Variants in ABCA13 observed in about 807,000 individuals in gnomAD.
ABCA13 encodes the protein ATP binding cassette subfamily A member 13.
Under a neutral mutation model 478.7 loss-of-function variants are expected in ABCA13, and 476 were observed. That is an observed-to-expected ratio of 0.99 (90% confidence interval 0.92 to 1.07). The LOEUF is 1.07. Among genes scored for constraint, ABCA13 ranks in the 50% least tolerant of loss-of-function variants. The pLI is 0.00. For missense variants in ABCA13, 6,060 were observed against 5,910.6 expected (o/e 1.03, Z -0.83); for synonymous variants, 2,252 against 2,158.9 (o/e 1.04, Z -1.20).
In ABCA13 at chr7:48,307,079, C is replaced by G. The variant is rs1801009455; in HGVS notation, c.9322-2868C>G. ...ACCCTGCAGATTTTGGGCTTGCCAG[C>G]CCCCACATTTGCATGAGCCAATTCC... On this transcript the variant is annotated intron_variant, in intron 23 of 61. Transcript: ENST00000435803. 1.3e-5 allele frequency among the ~76,000 whole-genome samples: 2 copies of G among 152,378 alleles called. 1 individual carries two copies. Among genetic ancestry groups the G allele is most frequent in the South Asian group, 4.1e-4 (2 of 4,828 alleles).
chr7:48,499,573 A>G (rs1320654109), intron 48 of ABCA13, among the ~76,000 whole-genome samples: 1 of 152,262 alleles, frequency 6.6e-6, no homozygotes, highest in Non-Finnish European at 1.5e-5. Flanking sequence ...AGCCATAATG[A>G]GAACACTAAA....
At chr7:48,568,963 T>C (rs1787342398) in intron 55 of ABCA13, among the ~76,000 whole-genome samples, 1 of 151,972 alleles carries the variant, frequency 6.6e-6, no homozygotes, top group Non-Finnish European at 1.5e-5. Context: ...TCTTTAAGAT[T>C]GGTAGAAATA....
At chr7:48,199,043 G>A (rs7788162) in intron 3 of ABCA13, among the ~76,000 whole-genome samples, 12,548 of 152,022 alleles carry the variant, frequency 0.083, 1,428 homozygotes, top group African/African-American at 0.25. Context: ...AGTGGCTAGC[G>A]GATTAAGATA....
intron 55 of ABCA13, among the ~76,000 whole-genome samples, chr7:48,570,196 TATAAG>T (rs1344289249): frequency 6.6e-6 from 1 of 152,078 alleles, no homozygotes; most frequent in Non-Finnish European, 1.5e-5. Context: ...CTTCTATTGT[TATAAG>T]ATGTTTTTCT....
chr7:48,404,699 G>A lies in ABCA13; in HGVS notation c.12070+820G>A, dbSNP rs149972299. On this transcript the variant is annotated intron_variant, in intron 39 of 61. Coordinates refer to ENST00000435803, the MANE Select transcript of ABCA13 (RefSeq NM_152701.5). ...CAAGAAAGAGTCCTTCTTTTTCTTA[G>A]CATATAGAGGGCTGAGGCCAGAAGT... The A allele has an allele frequency of 2.2e-3, 331 of 152,362 alleles. 1 individual carries two copies. Among genetic ancestry groups the A allele is most frequent in the African/African-American group, 7.8e-3 (324 of 41,568 alleles). 9.4% of individuals were successfully genotyped at this position (152,362 alleles called of 1,614,324 possible). A position where few individuals can be genotyped will look rare whatever the true frequency, so the allele number is the denominator to read the frequency against.
At chr7:48,385,067 C>A (rs1388711312) in intron 35 of ABCA13, among the ~76,000 whole-genome samples, 1 of 152,188 alleles carries the variant, frequency 6.6e-6, no homozygotes, top group Non-Finnish European at 1.5e-5. Context: ...TGCGGAGATA[C>A]AACTCAGCCC....
At chr7:48,251,068 T>C (rs1235923726) in intron 15 of ABCA13, among the ~76,000 whole-genome samples, 2 of 152,192 alleles carry the variant, frequency 1.3e-5, no homozygotes, top group African/African-American at 2.4e-5. Flanking sequence ...AATCCACATA[T>C]GGTAAGATGG....
chr7:48,207,142 A>T (rs907005296), intron 3 of ABCA13, among the ~76,000 whole-genome samples: 2 of 152,118 alleles, frequency 1.3e-5, no homozygotes, highest in Admixed American at 6.5e-5. Context: ...AAATGACAGG[A>T]TGTCATTCTT....
intron 27 of ABCA13, among the ~76,000 whole-genome samples, chr7:48,325,843 G>C (rs1310945147): frequency 2.0e-5 from 3 of 152,184 alleles, no homozygotes; most frequent in South Asian, 2.1e-4. Flanking sequence ...CCCCATCCAG[G>C]CTTGAAATCC....
rs564446555 is a variant in ABCA13, at chr7:48,411,100, T to C, written c.12228+423T>C. On this transcript the variant is annotated intron_variant, in intron 40 of 61. Coordinates refer to ENST00000435803, the MANE Select transcript of ABCA13 (RefSeq NM_152701.5). ...CTTTCTTTCTCTCCTTTCCTTTCCT[T>C]TCCTTTTCTTTTTCTTTCTCTCCTT... 1.6e-3 allele frequency among the ~76,000 whole-genome samples: 208 copies of C among 131,284 alleles called. 10 individuals carry two copies. The highest frequency in any genetic ancestry group is 5.0e-3 in the African/African-American group (191 of 37,934). 86.1% of individuals were successfully genotyped at this position (131,284 alleles called of 152,430 possible). A position where few individuals can be genotyped will look rare whatever the true frequency, so the allele number is the denominator to read the frequency against.
chr7:48,358,243 AGGG>A, intron 31 of ABCA13, among the ~76,000 whole-genome samples: 1 of 3,334 alleles, frequency 3.0e-4, no homozygotes, highest in Non-Finnish European at 6.4e-4. Context: ...AGGGGAGGGG[AGGG>A]GAGGGGAGGG....
chr7:48,277,472 C>G (rs1208411991), intron 17 of ABCA13, among the ~76,000 whole-genome samples: 3 of 152,174 alleles, frequency 2.0e-5, no homozygotes, highest in African/African-American at 7.2e-5. Context: ...GATTTTAACT[C>G]CATCTGCAAA....
At chr7:48,389,494 T>C (rs1443009163) in intron 37 of ABCA13, among the ~76,000 whole-genome samples, 2 of 152,234 alleles carry the variant, frequency 1.3e-5, no homozygotes, top group Non-Finnish European at 2.9e-5. Flanking sequence ...TTGTATTTTC[T>C]ACAAATAATT....
chr7:48,350,237 G>T (rs762865320), intron 29 of ABCA13, among the ~76,000 whole-genome samples: 1 of 152,128 alleles, frequency 6.6e-6, no homozygotes, highest in Admixed American at 6.5e-5. Flanking sequence ...TTCAGGGAAG[G>T]CGTGTTTTTT....
chr7:48,642,482 A>G (rs1274760102), intron 59 of ABCA13, among the ~76,000 whole-genome samples: 4 of 152,222 alleles, frequency 2.6e-5, no homozygotes, highest in Non-Finnish European at 5.9e-5. Context: ...TGTGCTTGGT[A>G]CTTAGAAAAG....
intron 25 of ABCA13, 52 bp from the exon 26 acceptor site, chr7:48,314,180 G>C (rs1802199921): frequency 5.8e-6 from 9 of 1,564,228 alleles, no homozygotes; most frequent in Non-Finnish European, 7.0e-6. Flanking sequence ...GTGTGTGAAG[G>C]AATTGTTTTA....
chr7:48,538,860 T>C (rs1833773110), intron 55 of ABCA13, among the ~76,000 whole-genome samples: 1 of 152,228 alleles, frequency 6.6e-6, no homozygotes, highest in Non-Finnish European at 1.5e-5. Context: ...CACAGGTCCT[T>C]TCTCCATTCC....
chr7:48,382,763 T>C lies in ABCA13; in HGVS notation c.11336-5059T>C, dbSNP rs1179676975. Among the ~76,000 whole-genome samples, 39 of 80,912 alleles carry C rather than the reference T, an allele frequency of 4.8e-4. No homozygotes were observed. The East Asian group carries it at 0.015, about 31-fold the overall frequency. 53.1% of individuals were successfully genotyped at this position (80,912 alleles called of 152,430 possible). A position where few individuals can be genotyped will look rare whatever the true frequency, so the allele number is the denominator to read the frequency against. On this transcript the variant is annotated intron_variant, in intron 35 of 61. Transcript: ENST00000435803. ...TCATCTTGTATTCTTCTCTCAATGATTTTTTTTTTTTTTGGTCATCTGTAC... is the reference window on the plus strand; with the variant it reads ...TCATCTTGTATTCTTCTCTCAATGACTTTTTTTTTTTTTGGTCATCTGTAC...
intron 27 of ABCA13, among the ~76,000 whole-genome samples, chr7:48,331,757 T>A (rs1805439071): frequency 1.3e-5 from 2 of 152,236 alleles, no homozygotes; most frequent in South Asian, 4.1e-4. Context: ...ACTGTGTGTG[T>A]GCGTGTGTGT....
Sources: allele counts gnomAD v4.1 joint callset (sites outside exome capture counted in the v4.1 genomes callset), GRCh38; gene constraint gnomAD v4.1.1; transcripts MANE v1.5; gene names NCBI Gene and HGNC (gene_info 2026-07-23, HGNC 2026-07-21).